Variants in NRG1 observed in about 807,000 individuals in gnomAD.
NRG1 encodes the protein pro-neuregulin-1, membrane-bound isoform.
Under a neutral mutation model 63.8 loss-of-function variants are expected in NRG1, and 18 were observed. The observed-to-expected ratio is 0.28, with a 90% CI of 0.19 to 0.42. The LOEUF is 0.42. NRG1 is among the 10% of genes least tolerant of loss of function. The pLI is 1.00. For missense variants in NRG1, 762 were observed against 814.7 expected (o/e 0.94, Z 0.79); for synonymous variants, 302 against 301.3 (o/e 1.00, Z -0.02).
intron 1 of NRG1, among the ~76,000 whole-genome samples, chr8:32,447,174 C>G (rs978382660): frequency 6.6e-6 from 1 of 151,592 alleles, no homozygotes; most frequent in Non-Finnish European, 1.5e-5. Flanking sequence ...CGCCCACCAC[C>G]ACACCCGGCT....
chr8:31,668,969 G>A (rs1022075052), intron 1 of NRG1, among the ~76,000 whole-genome samples: 2 of 152,158 alleles, frequency 1.3e-5, no homozygotes, highest in Admixed American at 1.3e-4. Context: ...ATATAGAGGG[G>A]ACGTGATCTG....
chr8:32,121,087 C>T (rs1014676555), intron 1 of NRG1, among the ~76,000 whole-genome samples: 4 of 151,870 alleles, frequency 2.6e-5, no homozygotes, highest in African/African-American at 7.2e-5. Context: ...ACTGATTATG[C>T]ACACCTTGGC....
chr8:32,044,093 A>G (rs987597993), intron 1 of NRG1, among the ~76,000 whole-genome samples: 2 of 151,934 alleles, frequency 1.3e-5, no homozygotes, highest in African/African-American at 4.8e-5. Context: ...GGTATGCCCA[A>G]AGTAAAAAGG....
intron 1 of NRG1, among the ~76,000 whole-genome samples, chr8:32,443,536 G>A (rs1819828225): frequency 6.6e-6 from 1 of 152,156 alleles, no homozygotes; most frequent in South Asian, 2.1e-4. Context: ...TGGCAGCTAA[G>A]GCAGAAAGAC....
At chr8:32,116,809 T>C (rs1350479096) in intron 1 of NRG1, among the ~76,000 whole-genome samples, 2 of 151,888 alleles carry the variant, frequency 1.3e-5, no homozygotes. Context: ...TATTTTGTAA[T>C]TCATTCTATA....
intron 1 of NRG1, among the ~76,000 whole-genome samples, chr8:31,963,784 G>T (rs1039069165): frequency 2.6e-5 from 4 of 152,098 alleles, no homozygotes; most frequent in African/African-American, 9.7e-5. Flanking sequence ...AACAGTTTGT[G>T]CTTTTCTTGT....
intron 5 of NRG1, among the ~76,000 whole-genome samples, chr8:32,700,251 T>C (rs764671688): frequency 1.6e-4 from 24 of 152,210 alleles, no homozygotes; most frequent in Non-Finnish European, 2.9e-4. Flanking sequence ...TAGAATGTTT[T>C]TCTTTTCACT....
chr8:32,412,427 TATATATATATATATATATATATATAC>T (rs1815144713), intron 1 of NRG1, among the ~76,000 whole-genome samples: 1 of 48,396 alleles, frequency 2.1e-5, no homozygotes, highest in Non-Finnish European at 4.9e-5. Flanking sequence ...TCTCTACATA[TATATATATATATATATATATATATAC>T]ATATATATAT....
chr8:32,464,667 G>GT (rs374424328), intron 1 of NRG1, among the ~76,000 whole-genome samples: 28 of 151,140 alleles, frequency 1.9e-4, no homozygotes, highest in South Asian at 4.2e-4. Flanking sequence ...CCAGACCGTG[G>GT]TTTTTTTTTG....
intron 1 of NRG1, among the ~76,000 whole-genome samples, chr8:32,498,332 G>A (rs1330722030): frequency 6.6e-6 from 1 of 152,150 alleles, no homozygotes; most frequent in African/African-American, 2.4e-5. Context: ...GCTGCTATAA[G>A]GACATGCCCA....
intron 1 of NRG1, among the ~76,000 whole-genome samples, chr8:32,458,181 G>A (rs553055097): frequency 8.5e-5 from 13 of 152,286 alleles, no homozygotes; most frequent in Admixed American, 1.3e-4. Context: ...CTCCCAAAGT[G>A]TTGGGATTAC....
chr8:32,506,872 C>T (rs1337930174), intron 1 of NRG1, among the ~76,000 whole-genome samples: 1 of 151,734 alleles, frequency 6.6e-6, no homozygotes, highest in Non-Finnish European at 1.5e-5. Flanking sequence ...AGAGTGAGAC[C>T]CTGCCTCTAA....
chr8:32,575,431 A>G (rs2466075), intron 1 of NRG1, among the ~76,000 whole-genome samples: 76,780 of 150,632 alleles, frequency 0.51, 19,928 homozygotes, highest in East Asian at 0.84. Flanking sequence ...AGGGTTGGGG[A>G]TGGGAAAGTG....
intron 1 of NRG1, among the ~76,000 whole-genome samples, chr8:32,065,664 A>G (rs970895281): frequency 4.6e-5 from 7 of 152,192 alleles, no homozygotes; most frequent in African/African-American, 1.4e-4. Flanking sequence ...ATGGGTCTTT[A>G]TAGCAGCATG....
chr8:31,688,170 T>C (rs1327502534), intron 1 of NRG1, among the ~76,000 whole-genome samples: 1 of 152,244 alleles, frequency 6.6e-6, no homozygotes, highest in Non-Finnish European at 1.5e-5. Context: ...GGAGACTATG[T>C]GTGCTCTTGT....
intron 1 of NRG1, among the ~76,000 whole-genome samples, chr8:32,196,943 CTTTTTTTTTTTT>C (rs773398472): frequency 1.5e-3 from 42 of 27,444 alleles, no homozygotes; most frequent in South Asian, 8.1e-3. Context: ...TCAGAACATT[CTTTTTTTTTTTT>C]TTTTTTTTTT....
At chr8:32,043,625 T>C (rs933368707) in intron 1 of NRG1, among the ~76,000 whole-genome samples, 1 of 151,978 alleles carries the variant, frequency 6.6e-6, no homozygotes, top group Non-Finnish European at 1.5e-5. Context: ...TTTTATCCAG[T>C]ATGCATATTT....
intron 1 of NRG1, among the ~76,000 whole-genome samples, chr8:32,290,191 T>G (rs1343994949): frequency 6.6e-6 from 1 of 152,144 alleles, no homozygotes; most frequent in Non-Finnish European, 1.5e-5. Context: ...CAGTGAGCTG[T>G]GATCACACCA....
intron 1 of NRG1, among the ~76,000 whole-genome samples, chr8:31,686,979 GACT>G (rs1808962538): frequency 6.6e-6 from 1 of 152,024 alleles, no homozygotes; most frequent in Non-Finnish European, 1.5e-5. Flanking sequence ...ATGTTGGCCA[GACT>G]GGTCTCTAAC....
Sources: gnomAD v4.1 joint callset for allele counts (sites outside exome capture counted in the v4.1 genomes callset) on GRCh38, gnomAD v4.1.1 for gene constraint, MANE v1.5 for transcripts, NCBI Gene and HGNC (gene_info 2026-07-23, HGNC 2026-07-21) for gene names.